The following SPMAP1 variants were observed in gnomAD, a reference collection of about 807,000 sequenced individuals.
SPMAP1 encodes sperm microtubule associated protein 1, also known as uncharacterized protein C17orf98.
At chr17:38,837,157 T>G in the SPMAP1 span, 1 of 1,613,284 alleles carries the variant, frequency 6.2e-7, no homozygotes, top group Non-Finnish European at 8.5e-7. Flanking sequence ...CTGCCCAATT[T>G]CTCCTGTTGA....
the SPMAP1 span, among the ~76,000 whole-genome samples, chr17:38,836,021 T>A: frequency 6.6e-6 from 1 of 152,030 alleles, no homozygotes; most frequent in East Asian, 1.9e-4. Context: ...TTCAAGAGAT[T>A]CTCCTGCCTC....
At chr17:38,836,591 T>C in the SPMAP1 span, among the ~76,000 whole-genome samples, 333 of 132,650 alleles carry the variant, frequency 2.5e-3, no homozygotes, top group African/African-American at 7.9e-3. Context: ...CTTTCTTTTT[T>C]TTTTTTTTTT....
chr17:38,840,422 C>T, the SPMAP1 span, among the ~76,000 whole-genome samples: 4 of 151,946 alleles, frequency 2.6e-5, no homozygotes, highest in African/African-American at 9.7e-5. Flanking sequence ...CTTGCAGAAA[C>T]CTGGAATGAG....
At chr17:38,835,386 C>A in the SPMAP1 span, 5 of 1,608,348 alleles carry the variant, frequency 3.1e-6, no homozygotes, top group Non-Finnish European at 4.3e-6. Context: ...CTGCATTCAG[C>A]CCACCTCTTG....
the SPMAP1 span, among the ~76,000 whole-genome samples, chr17:38,836,840 C>A: frequency 6.6e-6 from 1 of 151,904 alleles, no homozygotes; most frequent in African/African-American, 2.4e-5. Context: ...AAGTGATCCA[C>A]CCGCCTCAGC....
chr17:38,839,748 C>T, the SPMAP1 span, among the ~76,000 whole-genome samples: 10 of 151,420 alleles, frequency 6.6e-5, no homozygotes, highest in Non-Finnish European at 1.3e-4. Context: ...TGCAGTGAGC[C>T]GAGATCCTGC....
At chr17:38,837,096 TG>T in the SPMAP1 span, 1 of 1,373,664 alleles carries the variant, frequency 7.3e-7, no homozygotes, top group Non-Finnish European at 1.0e-6. Flanking sequence ...GGCCTTGCTA[TG>T]GCCCAGGAAC....
chr17:38,835,246 T>C, the SPMAP1 span: 4 of 1,614,226 alleles, frequency 2.5e-6, no homozygotes, highest in Non-Finnish European at 3.4e-6. Context: ...GACGGAGGGC[T>C]GGAGTGTTCC....
At chr17:38,836,492 C>G in the SPMAP1 span, among the ~76,000 whole-genome samples, 4 of 151,706 alleles carry the variant, frequency 2.6e-5, no homozygotes, top group Non-Finnish European at 5.9e-5. Context: ...CCCAACTGCT[C>G]AGGAGGCTGA....
At chr17:38,841,236 G>A in the SPMAP1 span, 1 of 1,614,170 alleles carries the variant, frequency 6.2e-7, no homozygotes, top group Non-Finnish European at 8.5e-7. Flanking sequence ...AAGTAGCTGC[G>A]GGCGTGGTAG....
At chr17:38,837,559 T>C in the SPMAP1 span, among the ~76,000 whole-genome samples, 1 of 151,074 alleles carries the variant, frequency 6.6e-6, no homozygotes. Context: ...GCGCCTGTAA[T>C]CCCAGCTGCT....
At chr17:38,836,630 G>T in the SPMAP1 span, among the ~76,000 whole-genome samples, 1 of 125,262 alleles carries the variant, frequency 8.0e-6, no homozygotes. Context: ...TCGCTGCATC[G>T]CCCAGGCTGG....
the SPMAP1 span, among the ~76,000 whole-genome samples, chr17:38,837,763 G>A: frequency 6.6e-6 from 1 of 152,182 alleles, no homozygotes; most frequent in South Asian, 2.1e-4. Context: ...GCAGCTGAAG[G>A]CTCAGTTTCT....
At chr17:38,835,445 C>T in the SPMAP1 span, 1 of 1,258,514 alleles carries the variant, frequency 7.9e-7, no homozygotes, top group Admixed American at 2.0e-5. Context: ...CAGGCGTAGT[C>T]ACTTGCATTC....
chr17:38,835,171 T>C, the SPMAP1 span: 3 of 1,612,420 alleles, frequency 1.9e-6, no homozygotes, highest in East Asian at 4.5e-5. Context: ...TCGATGGCTA[T>C]GAAGGGAAAA....
the SPMAP1 span, chr17:38,835,111 C>A: frequency 6.8e-7 from 1 of 1,481,344 alleles, no homozygotes; most frequent in East Asian, 2.3e-5. Flanking sequence ...ATTTTTTTAA[C>A]GTAAAATAAC....
At chr17:38,841,305 A>G in the SPMAP1 span, 18 of 1,614,200 alleles carry the variant, frequency 1.1e-5, no homozygotes, top group Non-Finnish European at 1.4e-5. Flanking sequence ...GAGCGCCCAT[A>G]AGCGCGGGCA....
the SPMAP1 span, chr17:38,837,095 A>C: frequency 7.4e-7 from 1 of 1,353,278 alleles, no homozygotes; most frequent in Non-Finnish European, 1.1e-6. Context: ...AGGCCTTGCT[A>C]TGGCCCAGGA....
chr17:38,835,358 GGA>G, the SPMAP1 span: 1 of 1,613,940 alleles, frequency 6.2e-7, no homozygotes, highest in Non-Finnish European at 8.5e-7. Context: ...TTGGGGACAA[GGA>G]GAGAGAGGCC....
Sources: allele counts gnomAD v4.1 joint callset (sites outside exome capture counted in the v4.1 genomes callset), GRCh38; gene constraint gnomAD v4.1.1; transcripts MANE v1.5; gene names NCBI Gene and HGNC (gene_info 2026-07-23, HGNC 2026-07-21).